Variants in PTK7 observed in about 807,000 individuals in gnomAD.
The protein encoded by PTK7 is protein tyrosine kinase 7 (inactive).
Under a neutral mutation model 116.6 loss-of-function variants are expected in PTK7, and 39 were observed. The ratio of observed to expected loss-of-function variants is 0.33; its 90% CI spans 0.26 to 0.44. PTK7 has a LOEUF of 0.44. Ranked by LOEUF, PTK7 falls within the 20% of genes least tolerant of loss-of-function variation. PTK7 has a pLI of 1.00. For synonymous variants in PTK7, 546 were observed against 563.6 expected (o/e 0.97, Z 0.44); for missense variants, 1,169 against 1,425.6 (o/e 0.82, Z 2.90).
chr6:43,142,374 TGTACAGA>T, intron 13 of PTK7, 75 bp downstream of exon 13: 3 of 1,603,570 alleles, frequency 1.9e-6, no homozygotes, highest in Non-Finnish European at 2.6e-6. Flanking sequence ...TCAGCCCCTG[TGTACAGA>T]ACATGGCACA....
intron 1 of PTK7, among the ~76,000 whole-genome samples, chr6:43,084,647 C>T (rs1766558522): frequency 6.6e-6 from 1 of 152,076 alleles, no homozygotes; most frequent in Non-Finnish European, 1.5e-5. Flanking sequence ...TCTGAGGAGG[C>T]ATGGAATGCA....
At chr6:43,150,804 TTTTTTTTTTTTTC>T (rs1411016543) in intron 17 of PTK7, among the ~76,000 whole-genome samples, 10 of 105,200 alleles carry the variant, frequency 9.5e-5, no homozygotes, top group African/African-American at 1.9e-4. Context: ...TTTTTTTTTT[TTTTTTTTTTTTTC>T]CCGAGACAGA....
intron 17 of PTK7, among the ~76,000 whole-genome samples, chr6:43,152,275 G>A (rs568932331): frequency 2.0e-4 from 30 of 151,946 alleles, no homozygotes; most frequent in Non-Finnish European, 4.1e-4. Context: ...GCTCACGCCT[G>A]TAATCCCAGC....
intron 17 of PTK7, among the ~76,000 whole-genome samples, chr6:43,149,704 A>G (rs2150465263): frequency 6.6e-6 from 1 of 152,290 alleles, no homozygotes; most frequent in East Asian, 1.9e-4. Context: ...AACAAAAAAG[A>G]AATGCATTTT....
Position 43,145,160 on chromosome 6 carries a change from C to T in PTK7, c.2408-40C>T. ...CCCCCAGGTCAGGAGCTGCCTCGGC[C>T]TGGGTGAAGGTGGCTGGCTGACTCA... On this transcript the variant is annotated intron_variant, in intron 15 of 19. Transcript: ENST00000230419. This position sits in a 1 kb window ranked among gnomAD's most constrained non-coding sequence, Gnocchi z 4.8. The T allele has an allele frequency of 6.5e-7, 1 of 1,547,156 alleles. No homozygotes were observed. The highest frequency in any genetic ancestry group is 8.8e-7 in the Non-Finnish European group (1 of 1,141,324).
chr6:43,076,440 T>G lies in PTK7; in HGVS notation c.-49T>G. ...CTCCTGTGCCCGCCGCGGAGCGCAG[T>G]CTGCGCGCCCGCCGTGCGCCCTCAG... On this transcript the variant is annotated 5_prime_UTR_variant, in exon 1 of 20. Coordinates refer to ENST00000230419, the MANE Select transcript of PTK7 (RefSeq NM_002821.5). The surrounding 1 kb of genome is among the most constrained non-coding windows in gnomAD (Gnocchi z 5.7). 6.8e-7 allele frequency: 1 copy of G among 1,460,590 alleles called. No individual in the cohort carries two copies. Among genetic ancestry groups the G allele is most frequent in the Non-Finnish European group, 9.1e-7 (1 of 1,104,250 alleles). 90.5% of individuals were successfully genotyped at this position (1,460,590 alleles called of 1,614,324 possible). A position where few individuals can be genotyped will look rare whatever the true frequency, so the allele number is the denominator to read the frequency against.
chr6:43,118,688 T>C (rs1561956675), intron 1 of PTK7, among the ~76,000 whole-genome samples: 86 of 109,642 alleles, frequency 7.8e-4, no homozygotes, highest in African/African-American at 3.3e-3. Context: ...TATATATATA[T>C]GTATATATGT....
At chr6:43,144,411 T>C in intron 14 of PTK7, 40 bp from the exon 15 acceptor site, 1 of 1,613,162 alleles carries the variant, frequency 6.2e-7, no homozygotes, top group East Asian at 2.2e-5. Flanking sequence ...GGCCAGAGTG[T>C]CAGGTCTCAT....
At chr6:43,094,692 A>T (rs984682909) in intron 1 of PTK7, among the ~76,000 whole-genome samples, 14 of 151,502 alleles carry the variant, frequency 9.2e-5, no homozygotes, top group African/African-American at 3.2e-4. Flanking sequence ...GTTAGCCAGG[A>T]TGGTCTCGAT....
intron 7 of PTK7, chr6:43,133,229 A>G (rs1476774345): frequency 1.8e-5 from 3 of 165,658 alleles, no homozygotes; most frequent in African/African-American, 7.2e-5. Flanking sequence ...TACTTATGAA[A>G]AAAAAGAGGG....
chr6:43,115,621 G>A (rs143798181), intron 1 of PTK7, among the ~76,000 whole-genome samples: 2 of 152,204 alleles, frequency 1.3e-5, no homozygotes, highest in Non-Finnish European at 2.9e-5. Flanking sequence ...TTGGATGGCA[G>A]GAGGAGATCT....
chr6:43,082,010 G>T (rs1231567692), intron 1 of PTK7, among the ~76,000 whole-genome samples: 1 of 152,072 alleles, frequency 6.6e-6, no homozygotes. Context: ...GGTAAGCACC[G>T]CTACGTATGA....
At chr6:43,154,162 C>CTAAATAAATAAATAAATAAA (rs371217159) in intron 17 of PTK7, among the ~76,000 whole-genome samples, 13 of 150,046 alleles carry the variant, frequency 8.7e-5, no homozygotes, top group African/African-American at 2.7e-4. Context: ...GACTCAGTCT[C>CTAAATAAATAAATAAATAAA]TAAATAAATA....
intron 1 of PTK7, among the ~76,000 whole-genome samples, chr6:43,107,001 C>T (rs1767932832): frequency 6.6e-6 from 1 of 151,586 alleles, no homozygotes; most frequent in Non-Finnish European, 1.5e-5. Context: ...CGGCTCACTG[C>T]AAGCTCCACC....
chr6:43,106,827 G>A (rs535054513), intron 1 of PTK7, among the ~76,000 whole-genome samples: 1 of 151,632 alleles, frequency 6.6e-6, no homozygotes, highest in African/African-American at 2.4e-5. Flanking sequence ...TGTTGGCCAG[G>A]CTTGTCTTGA....
chr6:43,090,180 GC>G (rs745471459), intron 1 of PTK7, among the ~76,000 whole-genome samples: 28 of 152,206 alleles, frequency 1.8e-4, no homozygotes, highest in Non-Finnish European at 3.8e-4. Flanking sequence ...GAGAGCGTGG[GC>G]TCAGCCTAGC....
At chr6:43,094,655 T>G (rs1475886159) in intron 1 of PTK7, among the ~76,000 whole-genome samples, 3 of 151,770 alleles carry the variant, frequency 2.0e-5, no homozygotes, top group African/African-American at 7.3e-5. Flanking sequence ...TTTTTCTGTA[T>G]TTTTAGTAGA....
At chr6:43,132,194 G>A in intron 6 of PTK7, 30 bp downstream of exon 6, 2 of 1,574,458 alleles carry the variant, frequency 1.3e-6, no homozygotes, top group Non-Finnish European at 1.7e-6. Flanking sequence ...GTGCTGATGT[G>A]GGAGGCTGCC....
chr6:43,144,529 C>A lies in PTK7; in HGVS notation c.2330C>A (p.Ala777Glu). ...VALTSLGSGP[A>E]ATNKRHSTSD... ...TTGACCAGCTTGGGCTCCGGCCCCG[C>A]GGCCACCAACAAACGCCACAGCACA... The change falls in exon 15 of 20, where the codon GCG becomes GAG. Residue 777 changes from alanine to glutamate, a missense_variant. By Grantham distance (107) the Ala-to-Glu change is moderately radical. This residue lies in a region of PTK7 where 678 missense variants were observed against 853.8 expected (regional missense o/e 0.79). Coordinates refer to ENST00000230419, the MANE Select transcript of PTK7 (RefSeq NM_002821.5). 6.2e-7 allele frequency: 1 copy of A among 1,614,138 alleles called. No individual in the cohort carries two copies.
Sources: gnomAD v4.1 joint callset for allele counts (sites outside exome capture counted in the v4.1 genomes callset) on GRCh38, gnomAD v4.1.1 for gene constraint, gnomAD v4.1.1 regional missense constraint, Gnocchi (gnomAD v3.1) non-coding constraint, MANE v1.5 for transcripts, NCBI Gene and HGNC (gene_info 2026-07-23, HGNC 2026-07-21) for gene names.